Variants in SLC44A5 observed in about 807,000 individuals in gnomAD.
The protein encoded by SLC44A5 is choline transporter-like protein 5.
A neutral mutation model predicts 101.8 loss-of-function variants in SLC44A5; 57 were observed. The ratio of observed to expected loss-of-function variants is 0.56; its 90% CI spans 0.45 to 0.70. The LOEUF is 0.70. Among genes scored for constraint, SLC44A5 ranks in the 30% least tolerant of loss-of-function variants. The pLI is 0.00. For missense variants in SLC44A5, 737 were observed against 853.1 expected (o/e 0.86, Z 1.70); for synonymous variants, 281 against 290.9 (o/e 0.97, Z 0.35).
Position 75,380,867 on chromosome 1 carries a change from A to C in SLC44A5, c.52+15716T>G, listed in dbSNP as rs1660888605. The stretch of plus-strand genomic sequence containing the variant: ...CCCACAGATGATCGCTGCCCTGCCA[A>C]ACCTGAGGAAGAAGGGATGATGATA... On this transcript the variant is annotated intron_variant, in intron 3 of 23. Transcript: ENST00000370859. 3.7e-5 allele frequency among the ~76,000 whole-genome samples: 3 copies of C among 82,022 alleles called. 1 individual carries two copies. The highest frequency in any genetic ancestry group is 6.3e-5 in the Non-Finnish European group (3 of 47,632). 53.8% of individuals were successfully genotyped at this position (82,022 alleles called of 152,430 possible). A position where few individuals can be genotyped will look rare whatever the true frequency, so the allele number is the denominator to read the frequency against.
At chr1:75,681,139 G>T in the SLC44A5 span, among the ~76,000 whole-genome samples, 3 of 151,940 alleles carry the variant, frequency 2.0e-5, no homozygotes, top group Admixed American at 1.3e-4. Context: ...CAACCAAAAA[G>T]AGTCCAGGAC....
chr1:75,493,564 A>C (rs1245505158), intron 2 of SLC44A5, among the ~76,000 whole-genome samples: 1 of 152,228 alleles, frequency 6.6e-6, no homozygotes, highest in Non-Finnish European at 1.5e-5. Context: ...TGGAATTATC[A>C]GCCACAGTAG....
chr1:75,254,778 C>T (rs1649873894), intron 6 of SLC44A5, among the ~76,000 whole-genome samples: 1 of 152,046 alleles, frequency 6.6e-6, no homozygotes. Context: ...GAAATGTAGC[C>T]AAAGCAGAGA....
In SLC44A5 at chr1:75,219,790, C is replaced by T; in HGVS notation, c.1178+10G>A. 1 of 1,597,362 alleles carries T rather than the reference C, an allele frequency of 6.3e-7. No individual in the cohort carries two copies. Among genetic ancestry groups the T allele is most frequent in the South Asian group, 1.1e-5 (1 of 89,748 alleles). Reference sequence around the variant, plus strand: ...CCTGAGGTTTAAAGAGGCCAATTACCAAAGGATACACTGCTGTCACGACCC... The same window carrying T: ...CCTGAGGTTTAAAGAGGCCAATTACTAAAGGATACACTGCTGTCACGACCC... On this transcript the variant is annotated intron_variant, in intron 15 of 23. Transcript: ENST00000370859.
At chr1:75,599,002 C>A (rs1557948708) in intron 1 of SLC44A5, among the ~76,000 whole-genome samples, 1 of 152,082 alleles carries the variant, frequency 6.6e-6, no homozygotes. Context: ...ACAGAAAACT[C>A]AGTTAATTAT....
the SLC44A5 span, among the ~76,000 whole-genome samples, chr1:75,643,553 T>C: frequency 2.0e-5 from 3 of 152,190 alleles, no homozygotes; most frequent in South Asian, 2.1e-4. Context: ...TGAAATCTCA[T>C]CTTGAATTAT....
At chr1:75,648,014 G>T in the SLC44A5 span, among the ~76,000 whole-genome samples, 2 of 152,154 alleles carry the variant, frequency 1.3e-5, no homozygotes, top group African/African-American at 4.8e-5. Context: ...GCCAGGAGTG[G>T]AATGATATGG....
chr1:75,623,062 A>G, the SLC44A5 span, among the ~76,000 whole-genome samples: 1 of 152,140 alleles, frequency 6.6e-6, no homozygotes, highest in East Asian at 1.9e-4. Context: ...CATTGAGTAA[A>G]ACTATATGCC....
Position 75,485,951 on chromosome 1 carries a change from C to T in SLC44A5, c.13+55484G>A, listed in dbSNP as rs548494555. Among the ~76,000 whole-genome samples the T allele has an allele frequency of 6.8e-4, 103 of 152,152 alleles. 1 individual carries two copies. The highest frequency in any genetic ancestry group is 2.3e-3 in the African/African-American group (97 of 41,508). ...ATCGTAAGAACAGCAAGGGAGAAAT[C>T]CACTCCATGATCCAATCATCTCCCA... On this transcript the variant is annotated intron_variant, in intron 2 of 23. Transcript: ENST00000370859.
chr1:75,481,954 T>C (rs1463146453), intron 2 of SLC44A5, among the ~76,000 whole-genome samples: 1 of 152,134 alleles, frequency 6.6e-6, no homozygotes, highest in Non-Finnish European at 1.5e-5. Flanking sequence ...CATGCTGCTG[T>C]AAAGACACAT....
At chr1:75,301,723 G>T (rs1654461804) in intron 4 of SLC44A5, among the ~76,000 whole-genome samples, 1 of 152,146 alleles carries the variant, frequency 6.6e-6, no homozygotes, top group African/African-American at 2.4e-5. Context: ...ACATAACCTT[G>T]AGAGATTCCT....
intron 2 of SLC44A5, among the ~76,000 whole-genome samples, chr1:75,443,152 T>C (rs1327274874): frequency 6.6e-6 from 1 of 152,146 alleles, no homozygotes; most frequent in Non-Finnish European, 1.5e-5. Flanking sequence ...CAATTTCCTA[T>C]GGTTTAAGCT....
intron 3 of SLC44A5, among the ~76,000 whole-genome samples, chr1:75,393,870 A>C (rs1029767674): frequency 2.3e-4 from 35 of 152,142 alleles, no homozygotes; most frequent in African/African-American, 8.4e-4. Context: ...TTTAGTGGAG[A>C]TGGTGAGTGG....
At chr1:75,410,917 C>A (rs1473762551) in intron 2 of SLC44A5, among the ~76,000 whole-genome samples, 1 of 152,048 alleles carries the variant, frequency 6.6e-6, no homozygotes, top group Non-Finnish European at 1.5e-5. Flanking sequence ...CCTGTCTCTG[C>A]CCTTGAATAG....
intron 2 of SLC44A5, among the ~76,000 whole-genome samples, chr1:75,482,104 G>A (rs1307416784): frequency 6.6e-6 from 1 of 152,066 alleles, no homozygotes; most frequent in Non-Finnish European, 1.5e-5. Context: ...AAAATGATGA[G>A]TTCATGTCCT....
At chr1:75,383,737 T>C (rs1661081540) in intron 3 of SLC44A5, among the ~76,000 whole-genome samples, 1 of 151,538 alleles carries the variant, frequency 6.6e-6, no homozygotes. Context: ...GAACAGCAAC[T>C]CCAAGACACA....
intron 19 of SLC44A5, 83 bp from the exon 20 acceptor site, chr1:75,214,761 C>A: frequency 2.8e-6 from 3 of 1,076,034 alleles, no homozygotes; most frequent in Non-Finnish European, 4.1e-6. Flanking sequence ...AGGAAGGTAA[C>A]CAAATTAATT....
chr1:75,481,624 C>T (rs1230418692), intron 2 of SLC44A5, among the ~76,000 whole-genome samples: 1 of 151,950 alleles, frequency 6.6e-6, no homozygotes, highest in African/African-American at 2.4e-5. Context: ...CAAAAGAAGA[C>T]ATTTATGCAG....
intron 18 of SLC44A5, 37 bp from the exon 19 acceptor site, chr1:75,215,894 G>A: frequency 1.8e-6 from 2 of 1,108,298 alleles, no homozygotes; most frequent in Admixed American, 1.8e-5. Flanking sequence ...TTAATGATTT[G>A]CAGCTGAACC....
Sources: gnomAD v4.1 joint callset for allele counts (sites outside exome capture counted in the v4.1 genomes callset) on GRCh38, gnomAD v4.1.1 for gene constraint, MANE v1.5 for transcripts, NCBI Gene and HGNC (gene_info 2026-07-23, HGNC 2026-07-21) for gene names.